Variants in PTPRN2 observed in about 807,000 individuals in gnomAD.
The protein encoded by PTPRN2 is protein tyrosine phosphatase receptor type N2.
Under a neutral mutation model 118.8 loss-of-function variants are expected in PTPRN2, and 74 were observed. The observed-to-expected ratio is 0.62, with a 90% CI of 0.52 to 0.76. The LOEUF is 0.76. Ranked by LOEUF, PTPRN2 falls within the 30% of genes least tolerant of loss-of-function variation. The probability of loss-of-function intolerance (pLI) is 0.00; values close to 1 mark genes in which losing one functional copy is unlikely to be tolerated. For synonymous variants in PTPRN2, 641 were observed against 608.0 expected (o/e 1.05, Z -0.80); for missense variants, 1,481 against 1,394.4 (o/e 1.06, Z -0.99).
At chr7:158,412,728 C>G (rs1469861026) in intron 2 of PTPRN2, among the ~76,000 whole-genome samples, 1 of 136,086 alleles carries the variant, frequency 7.3e-6, no homozygotes, top group African/African-American at 2.8e-5. Flanking sequence ...CCATCCAGCG[C>G]CCTCCTCAGC....
At chr7:157,664,022 C>G (rs1193378808) in intron 13 of PTPRN2, among the ~76,000 whole-genome samples, 1 of 152,168 alleles carries the variant, frequency 6.6e-6, no homozygotes, top group Non-Finnish European at 1.5e-5. Flanking sequence ...TGAGGTGACT[C>G]TAACCCTCTA....
intron 12 of PTPRN2, among the ~76,000 whole-genome samples, chr7:157,802,022 G>A (rs1048783656): frequency 2.6e-5 from 4 of 152,204 alleles, no homozygotes; most frequent in East Asian, 1.9e-4. Flanking sequence ...CAGCTCCTTC[G>A]TCCACCGTGA....
intron 11 of PTPRN2, among the ~76,000 whole-genome samples, chr7:157,963,966 T>A (rs962002363): frequency 6.6e-6 from 1 of 152,182 alleles, no homozygotes; most frequent in Non-Finnish European, 1.5e-5. Flanking sequence ...GATTTATAGG[T>A]ATGAGCCACT....
intron 3 of PTPRN2, among the ~76,000 whole-genome samples, chr7:158,274,657 G>C (rs1229856278): frequency 1.3e-5 from 2 of 152,182 alleles, no homozygotes; most frequent in Non-Finnish European, 2.9e-5. Flanking sequence ...GGGCCGCGTG[G>C]CTTCCTGCTG....
At chr7:158,129,756 G>A (rs1818020992) in intron 9 of PTPRN2, among the ~76,000 whole-genome samples, 1 of 152,216 alleles carries the variant, frequency 6.6e-6, no homozygotes, top group African/African-American at 2.4e-5. Context: ...TGGCTCTGCT[G>A]GTGCAGACAC....
intron 14 of PTPRN2, among the ~76,000 whole-genome samples, chr7:157,633,853 C>A (rs369183880): frequency 1.3e-5 from 2 of 152,218 alleles, no homozygotes; most frequent in Non-Finnish European, 2.9e-5. Flanking sequence ...TTTTAAGAGC[C>A]ACGGGAAGCT....
intron 12 of PTPRN2, among the ~76,000 whole-genome samples, chr7:157,852,009 A>C (rs1560957): frequency 0.52 from 78,217 of 151,824 alleles, 20,277 homozygotes; most frequent in East Asian, 0.58. Context: ...AGAAGAAAAA[A>C]CCTCTGTGCA....
At chr7:157,762,930 G>A (rs1234226426) in intron 12 of PTPRN2, among the ~76,000 whole-genome samples, 2 of 152,074 alleles carry the variant, frequency 1.3e-5, no homozygotes, top group Non-Finnish European at 2.9e-5. Flanking sequence ...TTAGGCCCAG[G>A]TGCTGGTGCC....
chr7:158,292,920 T>A (rs568345665), intron 3 of PTPRN2, among the ~76,000 whole-genome samples: 1 of 151,816 alleles, frequency 6.6e-6, no homozygotes, highest in Admixed American at 6.6e-5. Context: ...ATACAAAAAT[T>A]AGCCTGGCGA....
In PTPRN2 at chr7:157,590,496, A is replaced by G. The variant is rs1800920912; in HGVS notation, c.2496+4742T>C. On this transcript the variant is annotated intron_variant, in intron 17 of 22. Transcript: ENST00000389418. This position sits in a 1 kb window ranked among gnomAD's most constrained non-coding sequence, Gnocchi z 4.0. ...TGATGTAAGTCAAATTTTGGAAATC[A>G]AATTCTTGAAATGCATCCAGTGTCC... Among the ~76,000 whole-genome samples the G allele has an allele frequency of 6.6e-6, 1 of 152,246 alleles. No homozygotes were observed. Among genetic ancestry groups the G allele is most frequent in the African/African-American group, 2.4e-5 (1 of 41,464 alleles).
chr7:157,995,251 A>G (rs866670913), intron 11 of PTPRN2, among the ~76,000 whole-genome samples: 230 of 126,420 alleles, frequency 1.8e-3, no homozygotes, highest in African/African-American at 6.9e-3. Context: ...TCAACGCTGC[A>G]TCCCCAGCTT....
In PTPRN2 at chr7:158,241,672, G is replaced by A. The variant is rs1012673982; in HGVS notation, c.278-36399C>T. Among the ~76,000 whole-genome samples, 7 of 152,260 alleles carry A rather than the reference G, an allele frequency of 4.6e-5. No individual in the cohort carries two copies. The South Asian group carries it at 8.3e-4, about 18-fold the overall frequency. On this transcript the variant is annotated intron_variant, in intron 3 of 22. Coordinates refer to ENST00000389418, the MANE Select transcript of PTPRN2 (RefSeq NM_002847.5). ...TCACGCCCTGTTTTGGGCATACCAG[G>A]AAAGGAGGCAGTGTTCTGTTCTGTT...
intron 12 of PTPRN2, among the ~76,000 whole-genome samples, chr7:157,866,855 C>T (rs1464711988): frequency 4.6e-5 from 5 of 109,404 alleles, no homozygotes; most frequent in African/African-American, 1.4e-4. Flanking sequence ...CCTGGATACA[C>T]GGCCACCACC....
At position 157,964,541 on chromosome 7, in the gene PTPRN2, T is replaced by G. The variant is rs1028014622; in HGVS notation, c.1724-65804A>C. On this transcript the variant is annotated intron_variant, in intron 11 of 22. Coordinates refer to ENST00000389418, the MANE Select transcript of PTPRN2 (RefSeq NM_002847.5). This position sits in a 1 kb window ranked among gnomAD's most constrained non-coding sequence, Gnocchi z 9.0. ...GAGGTTAAATGTTTGCCAATCTAAT[T>G]TGGTCAAAACAGTTCATCCACAACC... Among the ~76,000 whole-genome samples, 5 of 152,132 alleles carry G rather than the reference T, an allele frequency of 3.3e-5. No individual in the cohort carries two copies. Among genetic ancestry groups the G allele is most frequent in the Non-Finnish European group, 7.3e-5 (5 of 68,034 alleles).
chr7:158,568,993 G>T (rs1452867327), intron 1 of PTPRN2, among the ~76,000 whole-genome samples: 2 of 152,138 alleles, frequency 1.3e-5, no homozygotes, highest in Non-Finnish European at 2.9e-5. Context: ...AGGTGTGAGG[G>T]ATTAGGCCTG....
At chr7:157,910,873 G>GCCCCAA (rs1365187426) in intron 11 of PTPRN2, among the ~76,000 whole-genome samples, 1 of 152,218 alleles carries the variant, frequency 6.6e-6, no homozygotes, top group African/African-American at 2.4e-5. Context: ...GTAGCATGTT[G>GCCCCAA]CCCCAATGTT....
At chr7:157,631,123 C>A (rs1273169227) in intron 14 of PTPRN2, among the ~76,000 whole-genome samples, 1 of 151,986 alleles carries the variant, frequency 6.6e-6, no homozygotes, top group Admixed American at 6.6e-5. Context: ...AACTGTTCTC[C>A]CTGCGTCTTA....
At chr7:157,999,615 CG>C (rs1277851427) in intron 11 of PTPRN2, among the ~76,000 whole-genome samples, 1 of 152,114 alleles carries the variant, frequency 6.6e-6, no homozygotes, top group Admixed American at 6.5e-5. Context: ...AACCTGTCAT[CG>C]GGAGACTCGT....
At position 157,550,362 on chromosome 7, in the gene PTPRN2, G is replaced by A. The variant is rs546579098; in HGVS notation, c.2903-1343C>T. 5.1e-4 allele frequency among the ~76,000 whole-genome samples: 77 copies of A among 152,300 alleles called. No homozygotes were observed. The highest frequency in any genetic ancestry group is 1.8e-3 in the African/African-American group (75 of 41,570). On this transcript the variant is annotated intron_variant, in intron 21 of 22. Coordinates refer to ENST00000389418, the MANE Select transcript of PTPRN2 (RefSeq NM_002847.5). This position sits in a 1 kb window ranked among gnomAD's most constrained non-coding sequence, Gnocchi z 5.2. ...GAACTGCGGGCAGCTAGGAGGGAAC[G>A]GCAGGGGTGGCGGGGAGGCCTGGGG...
Sources: allele counts gnomAD v4.1 joint callset (sites outside exome capture counted in the v4.1 genomes callset), GRCh38; gene constraint gnomAD v4.1.1; non-coding constraint Gnocchi (gnomAD v3.1); transcripts MANE v1.5; gene names NCBI Gene and HGNC (gene_info 2026-07-23, HGNC 2026-07-21).